Variants in BMAL2 observed in about 807,000 individuals in gnomAD.
The protein encoded by BMAL2 is basic helix-loop-helix ARNT like 2.
chr12:27,361,793 C>T, the BMAL2 span, among the ~76,000 whole-genome samples: 1 of 152,150 alleles, frequency 6.6e-6, no homozygotes, highest in Admixed American at 6.6e-5. Flanking sequence ...CTTTTGCTTA[C>T]AGAAAGCCCT....
At chr12:27,381,629 T>G in the BMAL2 span, among the ~76,000 whole-genome samples, 3 of 152,184 alleles carry the variant, frequency 2.0e-5, no homozygotes, top group Non-Finnish European at 4.4e-5. Context: ...GGATTATTAT[T>G]CGACATGAGA....
chr12:27,368,269 G>A, the BMAL2 span: 1 of 1,614,146 alleles, frequency 6.2e-7, no homozygotes, highest in East Asian at 2.2e-5. Flanking sequence ...TAGGTAAAGT[G>A]TTGAGAGAGG....
chr12:27,405,609 A>T, the BMAL2 span, among the ~76,000 whole-genome samples: 2 of 152,206 alleles, frequency 1.3e-5, no homozygotes, highest in African/African-American at 4.8e-5. Context: ...CGTCACCATC[A>T]TCAAAGACCA....
At chr12:27,396,487 G>A in the BMAL2 span, among the ~76,000 whole-genome samples, 1 of 152,162 alleles carries the variant, frequency 6.6e-6, no homozygotes, top group Non-Finnish European at 1.5e-5. Flanking sequence ...CAGCAATCTG[G>A]CTTTAAAATC....
the BMAL2 span, among the ~76,000 whole-genome samples, chr12:27,372,268 G>A: frequency 2.7e-5 from 4 of 147,214 alleles, no homozygotes; most frequent in African/African-American, 1.0e-4. Context: ...TATGATGTTT[G>A]TTCTTTTGTG....
the BMAL2 span, among the ~76,000 whole-genome samples, chr12:27,395,318 G>T: frequency 6.6e-6 from 1 of 152,120 alleles, no homozygotes; most frequent in African/African-American, 2.4e-5. Context: ...TGAAATTCTA[G>T]ACAACACATG....
the BMAL2 span, chr12:27,425,158 G>T: frequency 6.6e-6 from 1 of 151,786 alleles, no homozygotes; most frequent in African/African-American, 2.4e-5. Context: ...CTCTTTTCCA[G>T]TTCACTTGTG....
the BMAL2 span, among the ~76,000 whole-genome samples, chr12:27,342,075 C>T: frequency 6.6e-5 from 10 of 151,986 alleles, no homozygotes; most frequent in African/African-American, 2.4e-4. Flanking sequence ...TATCTGGGAC[C>T]ACAGGTGTGC....
the BMAL2 span, among the ~76,000 whole-genome samples, chr12:27,409,617 T>C: frequency 6.6e-6 from 1 of 152,224 alleles, no homozygotes; most frequent in African/African-American, 2.4e-5. Flanking sequence ...AAGACTTACA[T>C]GTTAGACCTA....
the BMAL2 span, chr12:27,401,325 A>C: frequency 6.2e-7 from 1 of 1,614,014 alleles, no homozygotes; most frequent in African/African-American, 1.3e-5. Context: ...TATTTTCATC[A>C]AGATGACCAC....
At chr12:27,368,323 A>G in the BMAL2 span, 1 of 1,614,184 alleles carries the variant, frequency 6.2e-7, no homozygotes, top group Non-Finnish European at 8.5e-7. Context: ...GCGTGAGTCC[A>G]GGGACAAGAC....
the BMAL2 span, among the ~76,000 whole-genome samples, chr12:27,406,625 A>T: frequency 6.6e-6 from 1 of 152,256 alleles, no homozygotes; most frequent in Non-Finnish European, 1.5e-5. Context: ...AACCAGTACC[A>T]GCCACTGCAA....
the BMAL2 span, among the ~76,000 whole-genome samples, chr12:27,360,549 A>C: frequency 1.8e-4 from 28 of 152,264 alleles, no homozygotes; most frequent in African/African-American, 6.7e-4. Flanking sequence ...AAAGGTTAAC[A>C]GCTTTATAAT....
chr12:27,367,607 G>C, the BMAL2 span, among the ~76,000 whole-genome samples: 18 of 151,970 alleles, frequency 1.2e-4, no homozygotes, highest in African/African-American at 4.1e-4. Context: ...TGTGTTTTCT[G>C]TGTTTTCTAC....
the BMAL2 span, among the ~76,000 whole-genome samples, chr12:27,378,460 T>C: frequency 6.6e-6 from 1 of 152,198 alleles, no homozygotes; most frequent in Non-Finnish European, 1.5e-5. Flanking sequence ...GAAAGGACTT[T>C]GTAAGCCTGG....
chr12:27,352,012 A>G, the BMAL2 span, among the ~76,000 whole-genome samples: 60 of 152,336 alleles, frequency 3.9e-4, no homozygotes, highest in African/African-American at 1.4e-3. Flanking sequence ...GGACTCCATC[A>G]TATCACTGCA....
chr12:27,365,714 A>AC, the BMAL2 span, among the ~76,000 whole-genome samples: 9 of 136,652 alleles, frequency 6.6e-5, no homozygotes, highest in African/African-American at 1.8e-4. Context: ...CTCAATTATG[A>AC]CCCCAAATTT....
At chr12:27,399,394 CT>C in the BMAL2 span, among the ~76,000 whole-genome samples, 1 of 152,180 alleles carries the variant, frequency 6.6e-6, no homozygotes, top group Non-Finnish European at 1.5e-5. Context: ...AAAGTGGGCT[CT>C]GGAGCCAGCC....
the BMAL2 span, among the ~76,000 whole-genome samples, chr12:27,399,670 A>T: frequency 1.3e-5 from 2 of 152,206 alleles, no homozygotes; most frequent in Non-Finnish European, 2.9e-5. Flanking sequence ...ACTTTTACCA[A>T]ATAGTGCCAA....
Sources: gnomAD v4.1 joint callset for allele counts (sites outside exome capture counted in the v4.1 genomes callset) on GRCh38, gnomAD v4.1.1 for gene constraint, MANE v1.5 for transcripts, NCBI Gene and HGNC (gene_info 2026-07-23, HGNC 2026-07-21) for gene names.